The following DMD variants were observed in gnomAD, a reference collection of about 807,000 sequenced individuals.
The protein encoded by DMD is dystrophin.
DMD carries 63 observed loss-of-function variants against 330.1 expected under a neutral mutation model. The ratio of observed to expected loss-of-function variants is 0.19; its 90% CI spans 0.16 to 0.24. The LOEUF is 0.24. DMD is among the 10% of genes least tolerant of loss of function. DMD has a pLI of 1.00. For missense variants in DMD, 3,344 were observed against 2,684.1 expected (o/e 1.25, Z -5.43); for synonymous variants, 1,223 against 959.8 (o/e 1.27, Z -5.07).
At chrX:32,969,216 A>G (rs1249734299) in intron 2 of DMD, among the ~76,000 whole-genome samples, 1 of 65,724 alleles carries the variant, frequency 1.5e-5, no homozygotes, top group Admixed American at 1.4e-4. Context: ...TTTATAAACC[A>G]CCCAGAAATA....
chrX:32,135,710 A>G (rs2096721402), intron 44 of DMD, among the ~76,000 whole-genome samples: 1 of 112,601 alleles, frequency 8.9e-6, no homozygotes, highest in African/African-American at 3.2e-5. Flanking sequence ...GCAGAGCAAG[A>G]CTTTGTCTCA....
intron 43 of DMD, among the ~76,000 whole-genome samples, chrX:32,247,671 TG>T (rs1212584497): frequency 9.0e-6 from 1 of 111,452 alleles, no homozygotes; most frequent in Non-Finnish European, 1.9e-5. Flanking sequence ...CCTTCCAGAC[TG>T]AGACCCCCAA....
intron 32 of DMD, among the ~76,000 whole-genome samples, chrX:32,389,126 T>G (rs1395876729): frequency 8.9e-6 from 1 of 111,942 alleles, no homozygotes; most frequent in East Asian, 2.8e-4. Context: ...AGGTGACTTC[T>G]GTATGTCACG....
chrX:31,496,631 C>T (rs1569547208), intron 57 of DMD, among the ~76,000 whole-genome samples, 157 bp downstream of exon 57: 2 of 112,233 alleles, frequency 1.8e-5, no homozygotes, highest in Admixed American at 9.4e-5. Context: ...TTGACATTTA[C>T]AGTGTAATGG....
chrX:33,087,348 A>T (rs1346556537), intron 1 of DMD, among the ~76,000 whole-genome samples: 1 of 112,623 alleles, frequency 8.9e-6, no homozygotes, highest in Non-Finnish European at 1.9e-5. Context: ...GGTAGCATTA[A>T]GCAAGTAAAT....
chrX:32,587,676 T>C (rs62592514), intron 13 of DMD, among the ~76,000 whole-genome samples: 1 of 111,037 alleles, frequency 9.0e-6, no homozygotes, highest in Non-Finnish European at 1.9e-5. Context: ...CCACTCAGTA[T>C]GTCACCTCTT....
At chrX:31,578,708 T>G (rs987750201) in intron 55 of DMD, among the ~76,000 whole-genome samples, 2 of 112,058 alleles carry the variant, frequency 1.8e-5, no homozygotes, top group Non-Finnish European at 3.8e-5. Flanking sequence ...GGCTGGCCTA[T>G]AAATGAAGCT....
intron 17 of DMD, among the ~76,000 whole-genome samples, chrX:32,523,436 C>T (rs1033935008): frequency 8.9e-6 from 1 of 112,060 alleles, no homozygotes; most frequent in Non-Finnish European, 1.9e-5. Context: ...TATTAGCTAG[C>T]CATAAAAAAT....
intron 68 of DMD, 93 bp from the exon 69 acceptor site, chrX:31,180,574 G>T: frequency 3.1e-6 from 2 of 647,427 alleles, no homozygotes; most frequent in Non-Finnish European, 5.1e-6. Flanking sequence ...GTTCTAATTT[G>T]AGAAACAGAA....
At chrX:32,961,533 AAT>A (rs1271316412) in intron 2 of DMD, among the ~76,000 whole-genome samples, 1 of 111,942 alleles carries the variant, frequency 8.9e-6, no homozygotes, top group Non-Finnish European at 1.9e-5. Flanking sequence ...TTAAATAATT[AAT>A]ATTCATAATC....
At chrX:32,465,582 G>GTTTTTT (rs1191063866) in intron 23 of DMD, among the ~76,000 whole-genome samples, 44 of 76,634 alleles carry the variant, frequency 5.7e-4, no homozygotes, top group Middle Eastern at 8.0e-3. Context: ...TTTGTTTTTT[G>GTTTTTT]TTTTTTTTTT....
intron 2 of DMD, among the ~76,000 whole-genome samples, chrX:32,923,092 A>C (rs1482934382): frequency 2.7e-5 from 3 of 111,917 alleles, no homozygotes; most frequent in African/African-American, 9.7e-5. Flanking sequence ...TAACTGCTAC[A>C]TTTTGCACAA....
At chrX:32,412,079 A>G in intron 29 of DMD, 166 bp from the exon 30 acceptor site, 1 of 1,179,671 alleles carries the variant, frequency 8.5e-7, no homozygotes, top group Non-Finnish European at 1.1e-6. Flanking sequence ...GATAGAAAAA[A>G]AATGTGAAGG....
chrX:31,474,944 A>G (rs2149238877), intron 59 of DMD, among the ~76,000 whole-genome samples: 1 of 110,162 alleles, frequency 9.1e-6, no homozygotes, highest in Non-Finnish European at 1.9e-5. Context: ...TTTCAAACCC[A>G]GTGTCAATAA....
chrX:32,237,500 G>A (rs2097192349), intron 43 of DMD, among the ~76,000 whole-genome samples: 1 of 110,785 alleles, frequency 9.0e-6, no homozygotes, highest in South Asian at 3.8e-4. Context: ...TTCCTCCCAC[G>A]TTGGGTTCTC....
At chrX:32,292,034 T>C (rs965373498) in intron 42 of DMD, among the ~76,000 whole-genome samples, 1 of 110,919 alleles carries the variant, frequency 9.0e-6, no homozygotes, top group Non-Finnish European at 1.9e-5. Context: ...ACCTAGATCA[T>C]TGGTTTATAG....
chrX:32,608,169 G>T (rs1050108588), intron 12 of DMD, among the ~76,000 whole-genome samples: 1 of 109,600 alleles, frequency 9.1e-6, no homozygotes, highest in African/African-American at 3.3e-5. Context: ...TACTTGATTT[G>T]TAAAATAAGA....
At chrX:32,758,160 A>G (rs977530841) in intron 7 of DMD, among the ~76,000 whole-genome samples, 1 of 111,633 alleles carries the variant, frequency 9.0e-6, no homozygotes, top group African/African-American at 3.3e-5. Flanking sequence ...TTTTCTTACT[A>G]GTTTCTTTGA....
At chrX:33,327,729 C>T (rs1411687477) in intron 1 of DMD, among the ~76,000 whole-genome samples, 2 of 111,343 alleles carry the variant, frequency 1.8e-5, no homozygotes, top group Non-Finnish European at 3.8e-5. Context: ...ACTCAATTTC[C>T]TTCCAAGCAG....
Sources: gnomAD v4.1 joint callset for allele counts (sites outside exome capture counted in the v4.1 genomes callset) on GRCh38, gnomAD v4.1.1 for gene constraint, MANE v1.5 for transcripts, NCBI Gene and HGNC (gene_info 2026-07-23, HGNC 2026-07-21) for gene names.